GSG1L: variants seen among roughly 807,000 people sequenced by gnomAD.
GSG1L encodes the protein GSG1 like.
In GSG1L, 24 loss-of-function variants were observed where a neutral mutation model predicts 42.1. That is an observed-to-expected ratio of 0.57 (90% confidence interval 0.41 to 0.80). The LOEUF (loss-of-function observed/expected upper bound fraction) is 0.80. Ranked by LOEUF, GSG1L falls within the 30% of genes least tolerant of loss-of-function variation. The pLI, the probability that GSG1L is intolerant of heterozygous loss-of-function variation, is 0.00. For missense variants in GSG1L, 445 were observed against 472.2 expected, an observed-to-expected ratio of 0.94 and a Z score of 0.53; for synonymous variants, 215 against 203.5, an observed-to-expected ratio of 1.06 and a Z score of -0.48.
At chr16:27,881,121 T>C (rs1567501989) in intron 3 of GSG1L, among the ~76,000 whole-genome samples, 2 of 152,000 alleles carry the variant, frequency 1.3e-5, no homozygotes, top group South Asian at 4.2e-4. Flanking sequence ...ACAGAAGAAA[T>C]CAATTACATT....
At chr16:27,826,002 G>A (rs1179734139) in intron 5 of GSG1L, among the ~76,000 whole-genome samples, 6 of 152,140 alleles carry the variant, frequency 3.9e-5, no homozygotes, top group African/African-American at 9.7e-5. Context: ...CATGAGAACC[G>A]ACTAATACAG....
intron 3 of GSG1L, among the ~76,000 whole-genome samples, chr16:27,854,571 G>C (rs1043060603): frequency 6.6e-6 from 1 of 152,162 alleles, no homozygotes; most frequent in African/African-American, 2.4e-5. Flanking sequence ...GAGTTGGGCC[G>C]TGTGCTCACA....
intron 2 of GSG1L, among the ~76,000 whole-genome samples, chr16:27,927,161 T>C (rs1353061684): frequency 6.6e-6 from 1 of 152,056 alleles, no homozygotes; most frequent in East Asian, 1.9e-4. Flanking sequence ...TTCTTTTTCA[T>C]TTTTTTGAGG....
At chr16:27,892,810 G>C (rs1371870316) in intron 2 of GSG1L, among the ~76,000 whole-genome samples, 2 of 132,218 alleles carry the variant, frequency 1.5e-5, no homozygotes, top group African/African-American at 5.5e-5. Flanking sequence ...AAAAAAAAAA[G>C]TCACCTTAAG....
At chr16:27,877,867 C>T (rs1044365025) in intron 3 of GSG1L, among the ~76,000 whole-genome samples, 1 of 152,140 alleles carries the variant, frequency 6.6e-6, no homozygotes, top group Non-Finnish European at 1.5e-5. Context: ...ACCTGAAGTC[C>T]TGGGTGCAAA....
At chr16:27,809,132 T>A (rs1465930693) in intron 5 of GSG1L, among the ~76,000 whole-genome samples, 1 of 152,180 alleles carries the variant, frequency 6.6e-6, no homozygotes, top group East Asian at 1.9e-4. Flanking sequence ...GTGGCTCATA[T>A]CTGTTTTCCT....
At position 27,819,538 on chromosome 16, in the gene GSG1L, G is replaced by A. The variant is rs145169954; in HGVS notation, c.830+9251C>T. Among the ~76,000 whole-genome samples the A allele has an allele frequency of 7.9e-3, 1,203 of 152,316 alleles. 18 individuals are homozygous for A. The highest frequency in any genetic ancestry group is 0.027 in the African/African-American group (1,115 of 41,564). ...GAACAGACGTGAGGATACCTGAGGC[G>A]TGATGCTGCCCAGCTTGGCGGAGGA... On this transcript the variant is annotated intron_variant, in intron 5 of 6. Coordinates refer to ENST00000447459, the MANE Select transcript of GSG1L (RefSeq NM_001109763.2).
At position 28,019,988 on chromosome 16, in the gene GSG1L, T is replaced by C. The variant is rs117998962; in HGVS notation, c.349+43088A>G. ...AACTTGGGTCACCTGTCTCGCCTTG[T>C]AGGCACTAGAGTTTCAGATCCTTGG... On this transcript the variant is annotated intron_variant, in intron 1 of 6. Coordinates refer to ENST00000447459, the MANE Select transcript of GSG1L (RefSeq NM_001109763.2). Among the ~76,000 whole-genome samples the C allele has an allele frequency of 6.6e-3, 999 of 152,342 alleles. 12 individuals are homozygous for C. The highest frequency in any genetic ancestry group is 0.01 in the Middle Eastern group (3 of 294).
chr16:27,911,884 T>C (rs1291219967), intron 2 of GSG1L, among the ~76,000 whole-genome samples: 1 of 152,130 alleles, frequency 6.6e-6, no homozygotes, highest in Admixed American at 6.5e-5. Flanking sequence ...ACAACTTACT[T>C]TTTTGAAAGT....
chr16:27,819,734 G>T (rs1194571765), intron 5 of GSG1L, among the ~76,000 whole-genome samples: 2 of 152,170 alleles, frequency 1.3e-5, no homozygotes, highest in African/African-American at 4.8e-5. Flanking sequence ...GAGGAATTGG[G>T]TCTTTGTCCT....
intron 1 of GSG1L, among the ~76,000 whole-genome samples, chr16:28,054,215 C>T (rs205414): frequency 0.14 from 21,142 of 152,150 alleles, 1,665 homozygotes; most frequent in East Asian, 0.23. Context: ...AGCCCAAATA[C>T]CCACCCCAGC....
chr16:27,994,051 T>C (rs1019490359), intron 1 of GSG1L, among the ~76,000 whole-genome samples: 5 of 88,798 alleles, frequency 5.6e-5, no homozygotes, highest in Non-Finnish European at 8.7e-5. Context: ...AGCTTTCTTC[T>C]TTTGCTTGTT....
At chr16:27,960,231 G>A (rs1421966449) in intron 2 of GSG1L, among the ~76,000 whole-genome samples, 1 of 152,130 alleles carries the variant, frequency 6.6e-6, no homozygotes, top group Non-Finnish European at 1.5e-5. Context: ...TTTTCAGCAG[G>A]AGAACCAGAC....
chr16:27,820,436 AG>A (rs2083139657), intron 5 of GSG1L, among the ~76,000 whole-genome samples: 2 of 150,792 alleles, frequency 1.3e-5, no homozygotes, highest in Admixed American at 6.6e-5. Flanking sequence ...TCGTGGAGTG[AG>A]GGGGTGGGAG....
chr16:27,801,202 G>T (rs999770296), intron 6 of GSG1L, among the ~76,000 whole-genome samples: 3 of 152,208 alleles, frequency 2.0e-5, no homozygotes, highest in Non-Finnish European at 2.9e-5. Context: ...GGCCTACGGG[G>T]TTGGGAGCCT....
chr16:27,902,518 G>A (rs181386229), intron 2 of GSG1L, among the ~76,000 whole-genome samples: 21 of 152,196 alleles, frequency 1.4e-4, no homozygotes, highest in African/African-American at 3.1e-4. Flanking sequence ...CGCGGGTGCC[G>A]ATGATGAGAC....
intron 4 of GSG1L, among the ~76,000 whole-genome samples, chr16:27,838,087 T>G (rs1266124749): frequency 1.3e-5 from 2 of 152,206 alleles, no homozygotes; most frequent in African/African-American, 4.8e-5. Flanking sequence ...ATTGGAATCC[T>G]TAGTGTTTGT....
intron 1 of GSG1L, among the ~76,000 whole-genome samples, chr16:28,018,548 G>A (rs1248489085): frequency 2.0e-5 from 3 of 152,152 alleles, no homozygotes; most frequent in East Asian, 1.9e-4. Context: ...CCAGAACTGG[G>A]TCACTAAACC....
intron 1 of GSG1L, among the ~76,000 whole-genome samples, chr16:28,011,551 C>A (rs933531778): frequency 6.6e-6 from 1 of 152,214 alleles, no homozygotes; most frequent in African/African-American, 2.4e-5. Flanking sequence ...CCTGCTAGAT[C>A]CTTCCTGTCG....
Sources: gnomAD v4.1 joint callset for allele counts (sites outside exome capture counted in the v4.1 genomes callset) on GRCh38, gnomAD v4.1.1 for gene constraint, MANE v1.5 for transcripts, NCBI Gene and HGNC (gene_info 2026-07-23, HGNC 2026-07-21) for gene names.